Variants in ADAM10 observed in about 807,000 individuals in gnomAD.
ADAM10 encodes the protein disintegrin and metalloproteinase domain-containing protein 10.
A neutral mutation model predicts 90.1 loss-of-function variants in ADAM10; 17 were observed. The observed-to-expected ratio is 0.19, with a 90% CI of 0.13 to 0.28. The LOEUF is 0.28. Ranked by LOEUF, ADAM10 falls within the 10% of genes least tolerant of loss-of-function variation. The probability of loss-of-function intolerance (pLI) is 1.00; values close to 1 mark genes in which losing one functional copy is unlikely to be tolerated. For missense variants in ADAM10, 610 were observed against 914.3 expected (o/e 0.67, Z 4.29); for synonymous variants, 310 against 298.6 (o/e 1.04, Z -0.40).
In ADAM10 at chr15:58,646,056, T is replaced by C; in HGVS notation, c.734A>G (p.Gln245Arg). The C allele has an allele frequency of 6.2e-7, 1 of 1,613,482 alleles. No homozygotes were observed. Among genetic ancestry groups the C allele is most frequent in the Non-Finnish European group, 8.5e-7 (1 of 1,179,666 alleles). Residue 245 changes from glutamine to arginine, a missense_variant and splice_region_variant, in exon 6 of 16, where the codon CAG (glutamine) becomes CGG (arginine). This residue lies in a region of ADAM10 where 310 missense variants were observed against 362.4 expected (regional missense o/e 0.86). Coordinates refer to ENST00000260408, the MANE Select transcript of ADAM10 (RefSeq NM_001110.4). The part of the protein sequence containing the change: ...YYGTREAVIA[Q>R]ISSHVKAIDT... ...AAAATAGCGCATAATCATAAATACC[T>C]GGGCAATCACAGCTTCTCGTGTTCC...
intron 2 of ADAM10, chr15:58,704,159 G>A (rs551776649): frequency 5.9e-5 from 9 of 152,346 alleles, no homozygotes; most frequent in African/African-American, 2.2e-4. Flanking sequence ...ACATCCTCAG[G>A]TAGTTCTTTC....
At chr15:58,721,560 C>T (rs914152360) in intron 1 of ADAM10, among the ~76,000 whole-genome samples, 5 of 152,150 alleles carry the variant, frequency 3.3e-5, no homozygotes, top group Admixed American at 6.5e-5. Flanking sequence ...CCCTCTGCCC[C>T]CACCCCACAC....
chr15:58,742,187 A>C (rs184869570), intron 1 of ADAM10, among the ~76,000 whole-genome samples: 3 of 152,232 alleles, frequency 2.0e-5, no homozygotes, highest in Non-Finnish European at 2.9e-5. Flanking sequence ...CCTGGTGACT[A>C]AACAGCAATG....
At chr15:58,683,032 T>A (rs147294760) in intron 2 of ADAM10, among the ~76,000 whole-genome samples, 1 of 152,176 alleles carries the variant, frequency 6.6e-6, no homozygotes, top group Non-Finnish European at 1.5e-5. Context: ...CTAGCTCAGG[T>A]TCCTGTCTGT....
At chr15:58,657,981 G>A (rs951382838) in intron 5 of ADAM10, among the ~76,000 whole-genome samples, 4 of 151,394 alleles carry the variant, frequency 2.6e-5, no homozygotes, top group Admixed American at 6.6e-5. Flanking sequence ...TTCTCAGTCT[G>A]TGGCTTGTTT....
chr15:58,671,209 A>C (rs1477106721), intron 4 of ADAM10, among the ~76,000 whole-genome samples: 1 of 152,246 alleles, frequency 6.6e-6, no homozygotes, highest in Non-Finnish European at 1.5e-5. Context: ...AGAAGTCTCT[A>C]GAAGCTAAAA....
intron 14 of ADAM10, 187 bp downstream of exon 14, chr15:58,610,110 T>A (rs893089380): frequency 3.1e-6 from 2 of 650,158 alleles, no homozygotes; most frequent in Non-Finnish European, 5.4e-6. Context: ...CTATGAATGA[T>A]ACACATGATT....
At chr15:58,655,708 A>AC (rs1566982312) in intron 5 of ADAM10, among the ~76,000 whole-genome samples, 9,606 of 67,308 alleles carry the variant, frequency 0.14, 2,139 homozygotes, top group African/African-American at 0.48. Flanking sequence ...ATATATATAT[A>AC]TAGTATATAT....
chr15:58,629,418 G>A (rs1235224839), intron 9 of ADAM10: 17 of 152,192 alleles, frequency 1.1e-4, no homozygotes, highest in African/African-American at 2.9e-4. Context: ...AGGGGAAACA[G>A]GTTGTAAGCA....
At chr15:58,598,290 T>A (rs1370137471) in intron 15 of ADAM10, among the ~76,000 whole-genome samples, 6 of 152,240 alleles carry the variant, frequency 3.9e-5, no homozygotes, top group Admixed American at 1.3e-4. Flanking sequence ...ATAAAATGTT[T>A]CACTGAATAA....
At chr15:58,678,688 T>A (rs981879256) in intron 4 of ADAM10, among the ~76,000 whole-genome samples, 1 of 152,140 alleles carries the variant, frequency 6.6e-6, no homozygotes, top group Non-Finnish European at 1.5e-5. Context: ...AAAGAAATAC[T>A]CAATGGACTT....
At chr15:58,744,887 A>G (rs1375698252) in intron 1 of ADAM10, among the ~76,000 whole-genome samples, 4 of 152,192 alleles carry the variant, frequency 2.6e-5, no homozygotes, top group African/African-American at 9.7e-5. Flanking sequence ...CAAAAAATTT[A>G]CAATTGTATT....
intron 2 of ADAM10, among the ~76,000 whole-genome samples, chr15:58,705,668 A>T (rs931661494): frequency 1.3e-5 from 2 of 152,156 alleles, no homozygotes; most frequent in Non-Finnish European, 2.9e-5. Flanking sequence ...GTCATTCCAT[A>T]AGTTTTCAGG....
intron 10 of ADAM10, among the ~76,000 whole-genome samples, chr15:58,622,537 A>T (rs908822018): frequency 6.6e-6 from 1 of 152,180 alleles, no homozygotes; most frequent in Non-Finnish European, 1.5e-5. Context: ...GCTGATTGTA[A>T]TACAATCAGT....
Position 58,592,558 on chromosome 15 carries a change from A to G in ADAM10, c.*4989T>C, listed in dbSNP as rs1894844992. On this transcript the variant is annotated 3_prime_UTR_variant, in exon 16 of 16. Coordinates refer to ENST00000260408, the MANE Select transcript of ADAM10 (RefSeq NM_001110.4). The stretch of plus-strand genomic sequence containing the variant: ...TTCTTTCTTACAGGTGGAATTAGTG[A>G]TTTATCCAAAGGAGTCTGGTTCCCT... The G allele has an allele frequency of 6.6e-6, 1 of 152,114 alleles. No individual in the cohort carries two copies. Among genetic ancestry groups the G allele is most frequent in the Non-Finnish European group, 1.5e-5 (1 of 68,016 alleles). 9.4% of individuals were successfully genotyped at this position (152,114 alleles called of 1,614,324 possible). A position where few individuals can be genotyped will look rare whatever the true frequency, so the allele number is the denominator to read the frequency against.
chr15:58,741,409 A>G (rs762573694), intron 1 of ADAM10, among the ~76,000 whole-genome samples: 4 of 152,194 alleles, frequency 2.6e-5, no homozygotes, highest in Non-Finnish European at 4.4e-5. Flanking sequence ...CCAGCTACCT[A>G]AAGCACTGCT....
intron 2 of ADAM10, among the ~76,000 whole-genome samples, chr15:58,684,086 C>T (rs2140758252): frequency 6.6e-6 from 1 of 152,230 alleles, no homozygotes; most frequent in East Asian, 1.9e-4. Flanking sequence ...TAATACCTCA[C>T]ACAGTATAAA....
At chr15:58,644,074 G>A (rs578057412) in intron 6 of ADAM10, 96 bp from the exon 7 acceptor site, 2 of 887,512 alleles carry the variant, frequency 2.3e-6, no homozygotes, top group South Asian at 2.8e-5. Flanking sequence ...TTCATGTCCT[G>A]CCACATTCAA....
In ADAM10 at chr15:58,612,005, T is replaced by G; in HGVS notation, c.1512-14A>C. 6.2e-7 allele frequency: 1 copy of G among 1,611,970 alleles called. No homozygotes were observed. The highest frequency in any genetic ancestry group is 2.2e-5 in the East Asian group (1 of 44,858). The stretch of plus-strand genomic sequence containing the variant: ...CCTTGACTTGGACTAGAGGAAACAT[T>G]AAGTGATTAAACAAAGTAAATCACT... On this transcript the variant is annotated splice_polypyrimidine_tract_variant and intron_variant, in intron 11 of 15. Coordinates refer to ENST00000260408, the MANE Select transcript of ADAM10 (RefSeq NM_001110.4).
Sources: allele counts gnomAD v4.1 joint callset (sites outside exome capture counted in the v4.1 genomes callset), GRCh38; gene constraint gnomAD v4.1.1; regional missense constraint gnomAD v4.1.1; transcripts MANE v1.5; gene names NCBI Gene and HGNC (gene_info 2026-07-23, HGNC 2026-07-21).